Variants in SYN3 observed in about 807,000 individuals in gnomAD.
SYN3 encodes the protein synapsin-3.
Under a neutral mutation model 65.8 loss-of-function variants are expected in SYN3, and 35 were observed. The ratio of observed to expected loss-of-function variants is 0.53; its 90% confidence interval spans 0.41 to 0.70. SYN3 has a LOEUF of 0.70. Among genes scored for constraint, SYN3 ranks in the 30% least tolerant of loss-of-function variants. The pLI, the probability that SYN3 is intolerant of heterozygous loss-of-function variation, is 0.00. For missense variants in SYN3, 680 were observed against 749.0 expected, an observed-to-expected ratio of 0.91 and a Z score of 1.08; for synonymous variants, 270 against 292.9, an observed-to-expected ratio of 0.92 and a Z score of 0.80.
At chr22:32,785,086 GAAAA>G (rs1034520956) in intron 6 of SYN3, 1 of 133,288 alleles carries the variant, frequency 7.5e-6, no homozygotes, top group Non-Finnish European at 1.6e-5. Context: ...GGCAGAGGAA[GAAAA>G]AAAAAAAGGA....
Position 32,579,369 on chromosome 22 carries a change from G to A in SYN3, c.774+17305C>T, listed in dbSNP as rs181667829. ...TGGGAAGTCCAAGATCTAGGTGTCAGCAGATCAGTGTCTGATGAGGGCTTT... is the reference window on the plus strand; with the variant it reads ...TGGGAAGTCCAAGATCTAGGTGTCAACAGATCAGTGTCTGATGAGGGCTTT... On this transcript the variant is annotated intron_variant, in intron 7 of 13. Transcript: ENST00000358763. Among the ~76,000 whole-genome samples the A allele has an allele frequency of 2.0e-5, 3 of 152,298 alleles. No homozygotes were observed. In the East Asian group the frequency reaches 5.8e-4, roughly 29 times the overall value.
At chr22:32,581,025 T>G (rs1044667659) in intron 7 of SYN3, among the ~76,000 whole-genome samples, 2 of 152,198 alleles carry the variant, frequency 1.3e-5, no homozygotes, top group African/African-American at 2.4e-5. Flanking sequence ...CAACATCTCT[T>G]AAGTATCTAC....
At chr22:32,749,035 T>C (rs1243848539) in intron 6 of SYN3, among the ~76,000 whole-genome samples, 1 of 152,164 alleles carries the variant, frequency 6.6e-6, no homozygotes, top group Non-Finnish European at 1.5e-5. Context: ...GTTAATCCAC[T>C]TGGGTAGCTG....
rs191128283 is a variant in SYN3 at position 32,890,859 on chromosome 22, C to A, written c.462-21734G>T. 7.2e-5 allele frequency among the ~76,000 whole-genome samples: 11 copies of A among 152,256 alleles called. No individual in the cohort carries two copies. In the East Asian group the frequency reaches 2.1e-3, roughly 29 times the overall value. ...TCTCCTGGGATGGATGCTCATTTGGCTGGCACTGCACCTCCCTACTAGCGT... is the reference window on the plus strand; with the variant it reads ...TCTCCTGGGATGGATGCTCATTTGGATGGCACTGCACCTCCCTACTAGCGT... On this transcript the variant is annotated intron_variant, in intron 4 of 13. Coordinates refer to ENST00000358763, the MANE Select transcript of SYN3 (RefSeq NM_003490.4).
intron 6 of SYN3, among the ~76,000 whole-genome samples, chr22:32,744,154 T>C (rs1468214924): frequency 6.6e-6 from 1 of 152,154 alleles, no homozygotes; most frequent in African/African-American, 2.4e-5. Context: ...TGCTACCTTC[T>C]CTGCATTTTG....
intron 6 of SYN3, among the ~76,000 whole-genome samples, chr22:32,639,474 T>C (rs1443704009): frequency 6.6e-6 from 1 of 152,230 alleles, no homozygotes; most frequent in African/African-American, 2.4e-5. Context: ...TTTGTACCAG[T>C]ACCATACTGT....
At chr22:32,533,542 G>A (rs2058111870) in intron 10 of SYN3, among the ~76,000 whole-genome samples, 2 of 152,146 alleles carry the variant, frequency 1.3e-5, no homozygotes, top group South Asian at 4.1e-4. Flanking sequence ...CCTTAGGCCT[G>A]TGGGTTGGGG....
At chr22:32,928,583 AC>A (rs1242633284) in intron 4 of SYN3, among the ~76,000 whole-genome samples, 1 of 152,200 alleles carries the variant, frequency 6.6e-6, no homozygotes, top group African/African-American at 2.4e-5. Context: ...TAAATTGGGG[AC>A]CATCTGTAAT....
chr22:32,954,700 AAGC>A (rs1285918255), intron 3 of SYN3, among the ~76,000 whole-genome samples: 2 of 152,208 alleles, frequency 1.3e-5, no homozygotes, highest in African/African-American at 4.8e-5. Context: ...TGCAAGAGGA[AAGC>A]AGTCCTGGGA....
intron 2 of SYN3, among the ~76,000 whole-genome samples, chr22:32,997,675 A>G (rs1373193808): frequency 6.6e-6 from 1 of 152,132 alleles, no homozygotes; most frequent in Admixed American, 6.5e-5. Context: ...TGCTCCCACA[A>G]CAGCCAATGT....
intron 6 of SYN3, among the ~76,000 whole-genome samples, chr22:32,626,274 G>A (rs377285386): frequency 1.1e-4 from 17 of 152,112 alleles, no homozygotes; most frequent in East Asian, 5.8e-4. Flanking sequence ...GGACACACAC[G>A]CATCTCTCTG....
At chr22:32,847,803 G>C (rs564748499) in intron 6 of SYN3, among the ~76,000 whole-genome samples, 33 of 152,310 alleles carry the variant, frequency 2.2e-4, no homozygotes, top group Admixed American at 5.2e-4. Context: ...AGATTGATAG[G>C]ATCTCAGGGC....
chr22:32,859,472 T>C, intron 6 of SYN3: 5 of 1,435,862 alleles, frequency 3.5e-6, no homozygotes, highest in South Asian at 1.3e-5. Context: ...AATTAGTGCC[T>C]GTTTTCTTGC....
chr22:32,723,270 T>C (rs901617707), intron 6 of SYN3, among the ~76,000 whole-genome samples: 1 of 152,220 alleles, frequency 6.6e-6, no homozygotes, highest in Admixed American at 6.5e-5. Flanking sequence ...TTAGTCAACA[T>C]CACTTGCTTC....
At chr22:32,802,963 G>C (rs1462538346) in intron 6 of SYN3, among the ~76,000 whole-genome samples, 1 of 152,160 alleles carries the variant, frequency 6.6e-6, no homozygotes, top group African/African-American at 2.4e-5. Flanking sequence ...CTTGAGTAGA[G>C]AGACCCTGTA....
chr22:32,569,256 A>AATCTGTCT (rs2058713208), intron 7 of SYN3, among the ~76,000 whole-genome samples: 1 of 140,990 alleles, frequency 7.1e-6, no homozygotes, highest in Non-Finnish European at 1.5e-5. Flanking sequence ...ATGCATCCAA[A>AATCTGTCT]ATCTATCTAT....
intron 6 of SYN3, among the ~76,000 whole-genome samples, chr22:32,615,174 G>A (rs1184866346): frequency 6.6e-6 from 1 of 152,044 alleles, no homozygotes; most frequent in East Asian, 1.9e-4. Flanking sequence ...GCCATGGGAA[G>A]AATCCCAGAC....
At chr22:32,721,850 T>G (rs1388840301) in intron 6 of SYN3, among the ~76,000 whole-genome samples, 1 of 152,098 alleles carries the variant, frequency 6.6e-6, no homozygotes, top group African/African-American at 2.4e-5. Flanking sequence ...ATGCTTTAGA[T>G]GGGGTGGTCA....
intron 6 of SYN3, among the ~76,000 whole-genome samples, chr22:32,650,053 T>C (rs1601840172): frequency 6.6e-6 from 1 of 152,284 alleles, no homozygotes; most frequent in East Asian, 1.9e-4. Context: ...ACTCATGCTA[T>C]AGAACTCTTC....
Sources: allele counts gnomAD v4.1 joint callset (sites outside exome capture counted in the v4.1 genomes callset), GRCh38; gene constraint gnomAD v4.1.1; transcripts MANE v1.5; gene names NCBI Gene and HGNC (gene_info 2026-07-23, HGNC 2026-07-21).